The following PCCB variants were observed in gnomAD, a reference collection of about 807,000 sequenced individuals.
PCCB encodes propionyl-CoA carboxylase beta chain, mitochondrial.
PCCB carries 43 observed loss-of-function variants against 60.7 expected under a neutral mutation model. The ratio of observed to expected loss-of-function variants is 0.71; its 90% CI spans 0.55 to 0.91. PCCB has a LOEUF of 0.91. Among genes scored for constraint, PCCB ranks in the 40% least tolerant of loss-of-function variants. The probability of loss-of-function intolerance (pLI) is 0.00; values close to 1 mark genes in which losing one functional copy is unlikely to be tolerated. For synonymous variants in PCCB, 276 were observed against 255.9 expected (o/e 1.08, Z -0.75); for missense variants, 766 against 702.8 (o/e 1.09, Z -1.02).
rs146238072 is a variant in PCCB, at chr3:136,298,754, C to T, written c.884+682C>T. Among the ~76,000 whole-genome samples, 155 of 152,288 alleles carry T rather than the reference C, an allele frequency of 1.0e-3. 1 individual carries two copies. The highest frequency in any genetic ancestry group is 5.4e-3 in the East Asian group (28 of 5,188). On this transcript the variant is annotated intron_variant, in intron 8 of 14. Transcript: ENST00000251654. ...CCAGGAACTGCTCCACACCTCTAGC[C>T]GTTCCATTTTATTTCCTCTCCAAAT...
At chr3:136,309,646 T>G (rs1479463956) in intron 9 of PCCB, among the ~76,000 whole-genome samples, 1 of 151,742 alleles carries the variant, frequency 6.6e-6, no homozygotes, top group African/African-American at 2.4e-5. Context: ...CAAAAATTTT[T>G]AAAGTTAACT....
At position 136,280,972 on chromosome 3, in the gene PCCB, G is replaced by A. The variant is rs921901775; in HGVS notation, c.544-2865G>A. 3.3e-5 allele frequency among the ~76,000 whole-genome samples: 5 copies of A among 152,148 alleles called. No individual in the cohort carries two copies. In the East Asian group the frequency reaches 7.7e-4, roughly 23 times the overall value. On this transcript the variant is annotated intron_variant, in intron 5 of 14. Coordinates refer to ENST00000251654, the MANE Select transcript of PCCB (RefSeq NM_000532.5). ...CCTGACTTTTCAGTACTTTAAATATGTCCCACTGCCTTCCGGCCTCCATGG... is the reference window on the plus strand; with the variant it reads ...CCTGACTTTTCAGTACTTTAAATATATCCCACTGCCTTCCGGCCTCCATGG...
intron 5 of PCCB, among the ~76,000 whole-genome samples, chr3:136,267,945 T>C (rs1197334787): frequency 2.4e-5 from 3 of 125,862 alleles, no homozygotes; most frequent in African/African-American, 7.0e-5. Context: ...GGTTTGGCTC[T>C]TTTTTTTTTT....
chr3:136,278,384 C>T (rs562049915), intron 5 of PCCB, among the ~76,000 whole-genome samples: 3 of 152,174 alleles, frequency 2.0e-5, no homozygotes, highest in South Asian at 2.1e-4. Flanking sequence ...TAAGTTCCTG[C>T]GTGGCTTCTT....
rs963873128 is a variant in PCCB, at chr3:136,300,250, G to A, written c.885-780G>A. Among the ~76,000 whole-genome samples the A allele has an allele frequency of 5.9e-5, 9 of 152,144 alleles. No homozygotes were observed. The East Asian group carries it at 7.7e-4, about 13-fold the overall frequency. ...GGCTACCCTTAGTTTTCTTTCCAGC[G>A]TAGAGCTTTTTGCGAAGTTGGGCTT... On this transcript the variant is annotated intron_variant, in intron 8 of 14. Transcript: ENST00000251654.
chr3:136,254,778 G>A (rs369580140), intron 1 of PCCB, among the ~76,000 whole-genome samples: 56 of 151,426 alleles, frequency 3.7e-4, no homozygotes, highest in African/African-American at 1.0e-3. Flanking sequence ...AGCGATGCTC[G>A]TCTCAGCCTC....
At chr3:136,297,403 C>T (rs1381053156) in intron 7 of PCCB, among the ~76,000 whole-genome samples, 1 of 152,150 alleles carries the variant, frequency 6.6e-6, no homozygotes, top group Non-Finnish European at 1.5e-5. Context: ...CCTTGTTTGG[C>T]TGCTCTGTGA....
chr3:136,299,331 T>C (rs1934090187), intron 8 of PCCB, among the ~76,000 whole-genome samples: 1 of 151,774 alleles, frequency 6.6e-6, no homozygotes, highest in Non-Finnish European at 1.5e-5. Context: ...TACATATTTG[T>C]GCATACACAC....
At chr3:136,284,016 A>G in intron 6 of PCCB, 69 bp downstream of exon 6, 3 of 963,972 alleles carry the variant, frequency 3.1e-6, no homozygotes, top group South Asian at 2.6e-5. Flanking sequence ...AATAAAAATA[A>G]TTCCTGACCC....
intron 1 of PCCB, chr3:136,251,355 C>T (rs1316130907): frequency 8.8e-6 from 4 of 456,310 alleles, no homozygotes; most frequent in East Asian, 7.0e-5. Context: ...GAGTCTGGAC[C>T]GTTGTGCTGA....
At chr3:136,263,207 C>T (rs1470704184) in intron 5 of PCCB, among the ~76,000 whole-genome samples, 1 of 151,082 alleles carries the variant, frequency 6.6e-6, no homozygotes, top group Non-Finnish European at 1.5e-5. Flanking sequence ...CCCACCTCGG[C>T]CTCCTAAAGT....
At chr3:136,300,573 CA>C (rs2108208048) in intron 8 of PCCB, among the ~76,000 whole-genome samples, 1 of 152,282 alleles carries the variant, frequency 6.6e-6, no homozygotes, top group South Asian at 2.1e-4. Context: ...GGAGCTTTAG[CA>C]GATTAACCTA....
chr3:136,265,086 CGGGAGGCTGAGGCA>C (rs1040662982), intron 5 of PCCB, among the ~76,000 whole-genome samples: 7 of 150,520 alleles, frequency 4.7e-5, no homozygotes, highest in Admixed American at 4.6e-4. Flanking sequence ...CCCAGCTACT[CGGGAGGCTGAGGCA>C]GGGAATTGCT....
chr3:136,250,502 C>T lies in PCCB; in HGVS notation c.127C>T (p.Arg43Cys), dbSNP rs1031941989. The change falls in exon 1 of 15, where the codon CGC becomes TGC. Residue 43 changes from arginine to cysteine, a missense_variant. Arg to Cys is a radical substitution (Grantham distance 180). Transcript: ENST00000251654. ...TSVNERIENKRRTALLGGGQR... is the reference protein window; with the variant it reads ...TSVNERIENKCRTALLGGGQR... ...TGTTAACGAACGCATCGAAAACAAG[C>T]GCCGGACCGCGCTGCTGGGAGGGGG... The T allele has an allele frequency of 1.9e-5, 30 of 1,612,830 alleles. No individual in the cohort carries two copies. Among genetic ancestry groups the T allele is most frequent in the Non-Finnish European group, 2.4e-5 (28 of 1,179,702 alleles).
intron 1 of PCCB, among the ~76,000 whole-genome samples, chr3:136,253,909 A>G (rs1200115184): frequency 6.6e-6 from 1 of 151,880 alleles, no homozygotes; most frequent in Non-Finnish European, 1.5e-5. Context: ...TGGCCTTCCA[A>G]AGTGCTGGGA....
intron 6 of PCCB, among the ~76,000 whole-genome samples, chr3:136,287,265 A>T (rs1298518028): frequency 6.6e-6 from 1 of 152,036 alleles, no homozygotes; most frequent in East Asian, 1.9e-4. Context: ...TCCTGTTTTG[A>T]CCTTTACGTT....
At chr3:136,300,054 A>G (rs911437571) in intron 8 of PCCB, among the ~76,000 whole-genome samples, 3 of 151,970 alleles carry the variant, frequency 2.0e-5, no homozygotes, top group Admixed American at 1.3e-4. Context: ...ATGCCCACAC[A>G]CATGCATATC....
intron 6 of PCCB, among the ~76,000 whole-genome samples, chr3:136,292,207 G>C (rs949549116): frequency 6.6e-6 from 1 of 151,130 alleles, no homozygotes; most frequent in Admixed American, 6.6e-5. Context: ...TTATGTGCTG[G>C]ACTAGAAACC....
intron 6 of PCCB, among the ~76,000 whole-genome samples, chr3:136,287,717 T>C (rs571732528): frequency 6.6e-6 from 1 of 152,350 alleles, no homozygotes; most frequent in East Asian, 1.9e-4. Context: ...AGTATAGGCA[T>C]GAGCCACTGC....
Sources: gnomAD v4.1 joint callset for allele counts (sites outside exome capture counted in the v4.1 genomes callset) on GRCh38, gnomAD v4.1.1 for gene constraint, MANE v1.5 for transcripts, NCBI Gene and HGNC (gene_info 2026-07-23, HGNC 2026-07-21) for gene names.